Variants in LATS1 observed in about 807,000 individuals in gnomAD.
LATS1 encodes large tumor suppressor kinase 1, also known as serine/threonine-protein kinase LATS1.
LATS1 carries 25 observed loss-of-function variants against 106.6 expected under a neutral mutation model. The observed-to-expected ratio is 0.23, with a 90% confidence interval of 0.17 to 0.33. The LOEUF (loss-of-function observed/expected upper bound fraction) is 0.33, where lower values mean the gene tolerates loss of function less well. Among genes scored for constraint, LATS1 ranks in the 10% least tolerant of loss-of-function variants. The pLI is 1.00. For missense variants in LATS1, 1,040 were observed against 1,382.6 expected, an observed-to-expected ratio of 0.75 and a Z score of 3.93; for synonymous variants, 465 against 455.6, an observed-to-expected ratio of 1.02 and a Z score of -0.26.
chr6:149,700,214 GC>G, intron 2 of LATS1, among the ~76,000 whole-genome samples: 1 of 152,282 alleles, frequency 6.6e-6, no homozygotes, highest in Non-Finnish European at 1.5e-5. Context: ...GGTGGCTCAT[GC>G]CTGTAATCCC....
intron 7 of LATS1, among the ~76,000 whole-genome samples, chr6:149,667,731 G>C (rs774082356): frequency 6.6e-6 from 1 of 152,098 alleles, no homozygotes. Context: ...AATAAAGCCT[G>C]AGAAATCCAT....
chr6:149,705,772 T>C (rs1043362443), intron 1 of LATS1, among the ~76,000 whole-genome samples: 1 of 152,098 alleles, frequency 6.6e-6, no homozygotes, highest in Non-Finnish European at 1.5e-5. Flanking sequence ...CATGCATCCT[T>C]ATTGAAAAAT....
intron 1 of LATS1, among the ~76,000 whole-genome samples, chr6:149,715,046 TTTTATTTA>T (rs529730209): frequency 6.6e-6 from 1 of 152,046 alleles, no homozygotes; most frequent in Non-Finnish European, 1.5e-5. Flanking sequence ...ATGTACTATT[TTTTATTTA>T]TTTATTTATT....
intron 7 of LATS1, among the ~76,000 whole-genome samples, chr6:149,670,701 T>G (rs1368176536): frequency 2.0e-5 from 3 of 152,062 alleles, no homozygotes; most frequent in African/African-American, 4.8e-5. Flanking sequence ...CTGGCAGATT[T>G]AAAGAGACAG....
chr6:149,668,407 T>A (rs1039943209), intron 7 of LATS1, among the ~76,000 whole-genome samples: 1 of 150,952 alleles, frequency 6.6e-6, no homozygotes. Flanking sequence ...ACGCTAAATA[T>A]CCAGGTAAAC....
chr6:149,685,015 C>T (rs960175722), intron 3 of LATS1, among the ~76,000 whole-genome samples: 3 of 151,878 alleles, frequency 2.0e-5, no homozygotes, highest in Non-Finnish European at 4.4e-5. Context: ...GTAGGCAGAT[C>T]ACTTGAGGCC....
chr6:149,690,809 G>A (rs1231774749), intron 3 of LATS1, among the ~76,000 whole-genome samples: 2 of 152,160 alleles, frequency 1.3e-5, no homozygotes, highest in Admixed American at 6.6e-5. Flanking sequence ...AAAGTGCTGT[G>A]ATCACAAGCG....
chr6:149,675,164 C>A (rs1312431768), intron 7 of LATS1, among the ~76,000 whole-genome samples: 4 of 143,832 alleles, frequency 2.8e-5, no homozygotes, highest in African/African-American at 1.0e-4. Flanking sequence ...TTGTAGTGAA[C>A]TGAGATCACG....
intron 7 of LATS1, among the ~76,000 whole-genome samples, chr6:149,673,057 G>C (rs1408742757): frequency 6.6e-6 from 1 of 150,810 alleles, no homozygotes; most frequent in Non-Finnish European, 1.5e-5. Context: ...TTGAATAGGG[G>C]AAGTTTTTAT....
intron 5 of LATS1, among the ~76,000 whole-genome samples, chr6:149,677,106 A>G (rs1380844794): frequency 6.6e-6 from 1 of 151,984 alleles, no homozygotes; most frequent in African/African-American, 2.4e-5. Flanking sequence ...GACAGTGATA[A>G]TAAGACAAAG....
intron 7 of LATS1, among the ~76,000 whole-genome samples, chr6:149,668,214 C>T (rs950053384): frequency 4.6e-5 from 7 of 151,008 alleles, no homozygotes; most frequent in African/African-American, 1.7e-4. Flanking sequence ...CCACTGCGCC[C>T]GGCCTCAAGT....
At chr6:149,678,183 A>AAT (rs1282839218) in intron 5 of LATS1, among the ~76,000 whole-genome samples, 18 of 148,162 alleles carry the variant, frequency 1.2e-4, no homozygotes, top group African/African-American at 3.5e-4. Flanking sequence ...AAAAAAAAAA[A>AAT]AAAAAAAAAA....
At chr6:149,687,095 ATT>A (rs59469526) in intron 3 of LATS1, among the ~76,000 whole-genome samples, 3 of 147,338 alleles carry the variant, frequency 2.0e-5, no homozygotes, top group African/African-American at 7.5e-5. Flanking sequence ...CAAGATTTTT[ATT>A]TTTTTTTTTT....
rs761260817 is a variant in LATS1 at position 149,683,471 on chromosome 6, C to T, written c.1618G>A (p.Val540Met). The change falls in exon 4 of 8, where the codon GTG (valine) becomes ATG (methionine). Residue 540 changes from valine (V) to methionine (M), a missense_variant. Val to Met is a conservative substitution (Grantham distance 21). This residue lies in a region of LATS1 where 624 missense variants were observed against 714.8 expected (regional missense o/e 0.87). Transcript: ENST00000543571. ...TCAGCAACAGGTGGCATCACAGTCA[C>T]ATTTGAAGCGGTTCCCTCAGGAAAA... ...SPFPEGTASN[V>M]TVMPPVAEAP... is the part of the protein sequence containing the mutation. The T allele has an allele frequency of 6.2e-7, 1 of 1,614,166 alleles. No homozygotes were observed. Among genetic ancestry groups the T allele is most frequent in the Admixed American group, 1.7e-5 (1 of 60,010 alleles).
At chr6:149,714,561 A>G (rs1582939236) in intron 1 of LATS1, among the ~76,000 whole-genome samples, 2 of 152,378 alleles carry the variant, frequency 1.3e-5, no homozygotes, top group Middle Eastern at 6.8e-3. Flanking sequence ...TTTTGGAGTT[A>G]TCTTCAGAAG....
chr6:149,701,237 T>C (rs1190520965), intron 2 of LATS1, among the ~76,000 whole-genome samples: 1 of 152,222 alleles, frequency 6.6e-6, no homozygotes, highest in African/African-American at 2.4e-5. Flanking sequence ...ATATGGGTTA[T>C]GAAAAAACTT....
At chr6:149,696,755 A>G (rs564239954) in intron 2 of LATS1, among the ~76,000 whole-genome samples, 185 of 152,176 alleles carry the variant, frequency 1.2e-3, no homozygotes, top group African/African-American at 3.9e-3. Flanking sequence ...TTATGTGATA[A>G]AGACTTTAGG....
rs773529417 is a variant in LATS1, at chr6:149,684,413, C to T, written c.676G>A (p.Ala226Thr). The T allele has an allele frequency of 1.2e-6, 2 of 1,613,974 alleles. No homozygotes were observed. Among genetic ancestry groups the T allele is most frequent in the Non-Finnish European group, 1.7e-6 (2 of 1,179,978 alleles). Residue 226 changes from alanine (A) to threonine (T), a missense_variant, in exon 4 of 8, where the codon GCT (alanine) becomes ACT (threonine). Physicochemically the swap from Ala to Thr is moderately conservative, Grantham distance 58. Coordinates refer to ENST00000543571, the MANE Select transcript of LATS1 (RefSeq NM_004690.4). ...ACTCTCTGTCCGTTGCTAGGGTGAG[C>T]TTGAACAAATGCTGATATACCAGAT... ...SGSGISAFVQ[A>T]HPSNGQRVNP...
intron 2 of LATS1, among the ~76,000 whole-genome samples, chr6:149,697,680 T>C (rs1183528121): frequency 6.6e-6 from 1 of 152,296 alleles, no homozygotes; most frequent in East Asian, 1.9e-4. Flanking sequence ...AACATCTCCA[T>C]TGGTAAGAAA....
Sources: gnomAD v4.1 joint callset for allele counts (sites outside exome capture counted in the v4.1 genomes callset) on GRCh38, gnomAD v4.1.1 for gene constraint, gnomAD v4.1.1 regional missense constraint, MANE v1.5 for transcripts, NCBI Gene and HGNC (gene_info 2026-07-23, HGNC 2026-07-21) for gene names.